SPINT1: variants seen among roughly 807,000 people sequenced by gnomAD.
The protein encoded by SPINT1 is kunitz-type protease inhibitor 1.
In SPINT1, 38 loss-of-function variants were observed where a neutral mutation model predicts 53.7. That is an observed-to-expected ratio of 0.71 (90% confidence interval 0.55 to 0.93). The LOEUF is 0.93. Among genes scored for constraint, SPINT1 ranks in the 40% least tolerant of loss-of-function variants. The pLI is 0.00. For missense variants in SPINT1, 645 were observed against 692.9 expected (o/e 0.93, Z 0.78); for synonymous variants, 283 against 280.6 (o/e 1.01, Z -0.08).
In SPINT1 at chr15:40,851,617, G is replaced by A. The variant is rs138264463; in HGVS notation, c.476-1507G>A. On this transcript the variant is annotated intron_variant, in intron 2 of 10. Coordinates refer to ENST00000562057, the MANE Select transcript of SPINT1 (RefSeq NM_003710.4). ...ATGTCCACTGCCTTGTTTAGTCCAC[G>A]TGTTGCTTCATGTCGTGGGGTCTTA... Among the ~76,000 whole-genome samples, 65 of 152,260 alleles carry A rather than the reference G, an allele frequency of 4.3e-4. 2 individuals are homozygous for A. In the East Asian group the frequency reaches 0.011, roughly 25 times the overall value.
At position 40,844,499 on chromosome 15, in the gene SPINT1, A is replaced by G. The variant is rs747470663; in HGVS notation, c.-56A>G. 1.9e-5 allele frequency: 29 copies of G among 1,540,728 alleles called. No homozygotes were observed. The Middle Eastern group carries it at 1.2e-3, about 64-fold the overall frequency. ...CCTCCCTTCTTCTCAGGTCACCAGC[A>G]CCCTCGGAACCCAGAGGCCCGCGCT... On this transcript the variant is annotated 5_prime_UTR_variant, in exon 2 of 11. Transcript: ENST00000562057. The surrounding 1 kb of genome is among the most constrained non-coding windows in gnomAD (Gnocchi z 5.8).
In SPINT1 at chr15:40,844,646, A is replaced by G. The variant is rs758550828; in HGVS notation, c.92A>G (p.Gln31Arg). Reference sequence around the variant, plus strand: ...TGGCTTCTGTGCACGCTCGGCCTCCAGGGCACCCAGGCCGGGCCACCGCCC... The same window carrying G: ...TGGCTTCTGTGCACGCTCGGCCTCCGGGGCACCCAGGCCGGGCCACCGCCC... ...ALWLLCTLGL[Q>R]GTQAGPPPAP... The change falls in exon 2 of 11, where the codon CAG (glutamine) becomes CGG (arginine). Residue 31 changes from glutamine to arginine, a missense_variant. Transcript: ENST00000562057. The surrounding 1 kb of genome is among the most constrained non-coding windows in gnomAD (Gnocchi z 5.8). 1.9e-6 allele frequency: 3 copies of G among 1,605,608 alleles called. No individual in the cohort carries two copies. The highest frequency in any genetic ancestry group is 2.7e-5 in the African/African-American group (2 of 74,474).
At position 40,854,060 on chromosome 15, in the gene SPINT1, G is replaced by A. The variant is rs1194299039; in HGVS notation, c.914G>A (p.Gly305Asp). The change falls in exon 6 of 11, where the codon GGC becomes GAC. Residue 305 changes from glycine to aspartate, a missense_variant and splice_region_variant. Gly to Asp is a moderately conservative substitution (Grantham distance 94). Transcript: ENST00000562057. ...TCTCATTCTCTGTTCTCTCTCCCAG[G>A]CCCCTCCATGGAAAGGCGCCATCCA... Reference protein sequence around the residue: ...ECILACRGVQGPSMERRHPVC... With the variant: ...ECILACRGVQDPSMERRHPVC... The A allele has an allele frequency of 4.5e-6, 7 of 1,550,690 alleles. No homozygotes were observed. Among genetic ancestry groups the A allele is most frequent in the Non-Finnish European group, 5.2e-6 (6 of 1,150,560 alleles).
chr15:40,856,986 C>T lies in SPINT1; in HGVS notation c.*11C>T, dbSNP rs1230076213. The stretch of plus-strand genomic sequence containing the variant: ...ACGCGGCCCCTCTGAGCCTGGGTCT[C>T]ACCGGCTCTCACCTGGCCCTGCTTC... On this transcript the variant is annotated 3_prime_UTR_variant, in exon 11 of 11. Coordinates refer to ENST00000562057, the MANE Select transcript of SPINT1 (RefSeq NM_003710.4). 6 of 1,612,272 alleles carry T rather than the reference C, an allele frequency of 3.7e-6. No homozygotes were observed. The highest frequency in any genetic ancestry group is 1.6e-4 in the Middle Eastern group (1 of 6,074).
At chr15:40,845,297 A>AC (rs1271092050) in intron 2 of SPINT1, among the ~76,000 whole-genome samples, 1 of 122,294 alleles carries the variant, frequency 8.2e-6, no homozygotes, top group African/African-American at 3.1e-5. Flanking sequence ...AACTACAGGC[A>AC]CCCGCTACCA....
rs185295979 is a variant in SPINT1, at chr15:40,857,236, T to A, written c.*261T>A. The stretch of plus-strand genomic sequence containing the variant: ...TGCCTGCATAGGAGTTTGGAGGAAG[T>A]TGGAGTTTTGTTTCCTCTGTTCAAA... On this transcript the variant is annotated 3_prime_UTR_variant, in exon 11 of 11. Coordinates refer to ENST00000562057, the MANE Select transcript of SPINT1 (RefSeq NM_003710.4). The A allele has an allele frequency of 3.5e-3, 1,883 of 541,332 alleles. 10 individuals carry two copies. Among genetic ancestry groups the A allele is most frequent in the Admixed American group, 6.1e-3 (185 of 30,474 alleles). 33.5% of individuals were successfully genotyped at this position (541,332 alleles called of 1,614,324 possible).
At chr15:40,856,133 G>C in intron 9 of SPINT1, 71 bp downstream of exon 9, 1 of 1,598,278 alleles carries the variant, frequency 6.3e-7, no homozygotes, top group Non-Finnish European at 8.5e-7. Context: ...TCTGTCCCCA[G>C]GCCTTTGGGA....
Position 40,844,615 on chromosome 15 carries a change from GC to G in SPINT1, c.63del (p.Leu22CysfsTer30). 1 of 1,609,590 alleles carries G rather than the reference GC, an allele frequency of 6.2e-7. No homozygotes were observed. Among genetic ancestry groups the G allele is most frequent in the Non-Finnish European group, 8.5e-7 (1 of 1,178,628 alleles). On this transcript the variant is annotated frameshift_variant, in exon 2 of 11. Transcript: ENST00000562057. LOFTEE classifies it high-confidence loss of function. The surrounding 1 kb of genome is among the most constrained non-coding windows in gnomAD (Gnocchi z 5.8). ...CGCCCCGGCCGGCATCCCTGCCGTC[GC>G]CTTGTGGCTTCTGTGCACGCTCGGC... ...RLAPAGIPAV[A>X]LWLLCTLGLQ...
chr15:40,849,587 GC>G (rs1182884104), intron 2 of SPINT1, among the ~76,000 whole-genome samples: 1 of 152,132 alleles, frequency 6.6e-6, no homozygotes, highest in Admixed American at 6.6e-5. Flanking sequence ...AACTAGAAAA[GC>G]AAAATTTAAA....
At chr15:40,845,135 T>A in intron 2 of SPINT1, 106 bp downstream of exon 2, 1 of 844,344 alleles carries the variant, frequency 1.2e-6, no homozygotes. Flanking sequence ...GAGAGTTCAC[T>A]TTTTTTTTTC....
In SPINT1 at chr15:40,855,874, C is replaced by T. The variant is rs778757571; in HGVS notation, c.1118-18C>T. Reference sequence around the variant, plus strand: ...AGGCCATGGACTCGCTCACCATAGCCTACCCCATACCCCCCAGGGCACTGC... The same window carrying T: ...AGGCCATGGACTCGCTCACCATAGCTTACCCCATACCCCCCAGGGCACTGC... On this transcript the variant is annotated intron_variant, in intron 8 of 10. Transcript: ENST00000562057. 6.9e-6 allele frequency: 11 copies of T among 1,605,590 alleles called. No homozygotes were observed. The East Asian group carries it at 1.6e-4, about 23-fold the overall frequency.
chr15:40,856,569 G>T (rs59896818), intron 10 of SPINT1, among the ~76,000 whole-genome samples: 1 of 152,146 alleles, frequency 6.6e-6, no homozygotes, highest in South Asian at 2.1e-4. Context: ...AGCGACTTGA[G>T]CTGAGACCTG....
At position 40,855,978 on chromosome 15, in the gene SPINT1, C is replaced by T. The variant is rs1255246317; in HGVS notation, c.1204C>T (p.Arg402Cys). 13 of 1,614,224 alleles carry T rather than the reference C, an allele frequency of 8.1e-6. No homozygotes were observed. Among genetic ancestry groups the T allele is most frequent in the East Asian group, 4.5e-5 (2 of 44,872 alleles). Reference protein sequence around the residue: ...YYNPFSEHCARFTYGGCYGNK... With the variant: ...YYNPFSEHCACFTYGGCYGNK... ...CAACCCCTTCAGCGAACACTGCGCC[C>T]GCTTTACCTATGGTGGTTGTTACGG... Residue 402 changes from arginine to cysteine, a missense_variant, in exon 9 of 11, where the codon CGC becomes TGC. Transcript: ENST00000562057.
At chr15:40,849,778 T>A (rs1044847623) in intron 2 of SPINT1, among the ~76,000 whole-genome samples, 1 of 152,202 alleles carries the variant, frequency 6.6e-6, no homozygotes, top group African/African-American at 2.4e-5. Flanking sequence ...GTGTCAACTT[T>A]CTCATCTGAA....
In SPINT1 at chr15:40,844,842, C is replaced by A. The variant is rs764606165; in HGVS notation, c.288C>A (p.Asn96Lys). 3.7e-6 allele frequency: 6 copies of A among 1,613,782 alleles called. No individual in the cohort carries two copies. In the East Asian group the frequency reaches 1.3e-4, roughly 36 times the overall value. ...TGCGCGCCTGCTGCACCACCCAGAACTGCAACTTGGCGCTAGTGGAGCTGC... is the reference window on the plus strand; with the variant it reads ...TGCGCGCCTGCTGCACCACCCAGAAATGCAACTTGGCGCTAGTGGAGCTGC... ...DCVRACCTTQNCNLALVELQP... is the reference protein window; with the variant it reads ...DCVRACCTTQKCNLALVELQP... Residue 96 changes from asparagine (N) to lysine (K), a missense_variant, in exon 2 of 11, where the codon AAC becomes AAA. Coordinates refer to ENST00000562057, the MANE Select transcript of SPINT1 (RefSeq NM_003710.4). The surrounding 1 kb of genome is among the most constrained non-coding windows in gnomAD (Gnocchi z 5.8).
At chr15:40,855,748 C>G (rs1891612958) in intron 8 of SPINT1, 144 bp from the exon 9 acceptor site, 20 of 771,578 alleles carry the variant, frequency 2.6e-5, no homozygotes, top group Non-Finnish European at 3.0e-5. Flanking sequence ...ACCACTGCAG[C>G]TGGGCCAGGT....
At chr15:40,854,369 G>C (rs965380650) in intron 6 of SPINT1, 28 bp from the exon 7 acceptor site, 20 of 1,524,320 alleles carry the variant, frequency 1.3e-5, no homozygotes, top group Non-Finnish European at 1.7e-5. Context: ...TTCTTTGCTT[G>C]AGCCTGACCT....
intron 2 of SPINT1, among the ~76,000 whole-genome samples, chr15:40,851,341 A>G (rs529080359): frequency 2.0e-5 from 3 of 151,784 alleles, no homozygotes; most frequent in African/African-American, 7.2e-5. Flanking sequence ...TTTAGTAGAG[A>G]GGGGGTTTCA....
intron 2 of SPINT1, among the ~76,000 whole-genome samples, chr15:40,846,194 G>A (rs1281044093): frequency 2.0e-5 from 3 of 152,148 alleles, no homozygotes; most frequent in Non-Finnish European, 4.4e-5. Flanking sequence ...AAGGCAAAGC[G>A]GAGGCCAGGG....
Sources: allele counts gnomAD v4.1 joint callset (sites outside exome capture counted in the v4.1 genomes callset), GRCh38; gene constraint gnomAD v4.1.1; non-coding constraint Gnocchi (gnomAD v3.1); transcripts MANE v1.5; gene names NCBI Gene and HGNC (gene_info 2026-07-23, HGNC 2026-07-21).